Variants in VIPR2 observed in about 807,000 individuals in gnomAD.
The protein encoded by VIPR2 is vasoactive intestinal peptide receptor 2.
VIPR2 carries 48 observed loss-of-function variants against 58.0 expected under a neutral mutation model. That is an observed-to-expected ratio of 0.83 (90% confidence interval 0.66 to 1.05). The LOEUF is 1.05. Among genes scored for constraint, VIPR2 ranks in the 50% least tolerant of loss-of-function variants. VIPR2 has a pLI of 0.00. For missense variants in VIPR2, 534 were observed against 558.0 expected (o/e 0.96, Z 0.43); for synonymous variants, 243 against 235.2 (o/e 1.03, Z -0.30).
rs577246274 is a variant in VIPR2, at chr7:159,084,426, C to T, written c.357+19331G>A. ...TGAGGCAGGAGACAGGATGTGGGGG[C>T]CCCTGGCGCAGCATTTCATGCCGAG... On this transcript the variant is annotated intron_variant, in intron 4 of 12. Coordinates refer to ENST00000262178, the MANE Select transcript of VIPR2 (RefSeq NM_003382.5). Among the ~76,000 whole-genome samples, 387 of 152,332 alleles carry T rather than the reference C, an allele frequency of 2.5e-3. 5 individuals carry two copies. The highest frequency in any genetic ancestry group is 3.4e-3 in the Middle Eastern group (1 of 294).
chr7:159,030,937 T>C (rs939652184), intron 12 of VIPR2, 148 bp from the exon 13 acceptor site: 60 of 1,138,774 alleles, frequency 5.3e-5, no homozygotes, highest in Non-Finnish European at 6.7e-5. Context: ...AGAAACGGCC[T>C]TGGGGGCAGA....
intron 4 of VIPR2, among the ~76,000 whole-genome samples, chr7:159,082,924 A>G (rs543891839): frequency 6.6e-6 from 1 of 152,244 alleles, no homozygotes; most frequent in Non-Finnish European, 1.5e-5. Context: ...CAATGATTAG[A>G]TCCTTCCTAA....
intron 2 of VIPR2, among the ~76,000 whole-genome samples, chr7:159,125,903 T>C (rs1796633651): frequency 6.6e-6 from 1 of 152,170 alleles, no homozygotes; most frequent in African/African-American, 2.4e-5. Flanking sequence ...CCAGCGTCCC[T>C]GCCTACCCCT....
intron 1 of VIPR2, among the ~76,000 whole-genome samples, chr7:159,144,095 A>G (rs1797588707): frequency 1.3e-5 from 2 of 152,302 alleles, no homozygotes; most frequent in South Asian, 2.1e-4. Flanking sequence ...AGCAAGAAAC[A>G]AGGCTCGGGT....
intron 4 of VIPR2, among the ~76,000 whole-genome samples, chr7:159,063,878 G>GTTCTGGGGGTCCTGGTGGA: frequency 1.8e-5 from 1 of 54,820 alleles, no homozygotes; most frequent in Non-Finnish European, 3.8e-5. Context: ...GTCCTGGTGG[G>GTTCTGGGGGTCCTGGTGGA]GTCTGGGGGT....
chr7:159,086,703 G>T (rs974061360), intron 4 of VIPR2, among the ~76,000 whole-genome samples: 5 of 152,222 alleles, frequency 3.3e-5, no homozygotes, highest in African/African-American at 1.2e-4. Context: ...TGGTCCTGCT[G>T]GGTCTGAGTT....
intron 4 of VIPR2, among the ~76,000 whole-genome samples, chr7:159,077,955 T>C (rs1181309837): frequency 6.6e-6 from 1 of 152,230 alleles, no homozygotes; most frequent in Non-Finnish European, 1.5e-5. Context: ...TCTTCTGACC[T>C]GGAATCACAA....
At position 159,095,426 on chromosome 7, in the gene VIPR2, A is replaced by T. The variant is rs544181923; in HGVS notation, c.357+8331T>A. On this transcript the variant is annotated intron_variant, in intron 4 of 12. Coordinates refer to ENST00000262178, the MANE Select transcript of VIPR2 (RefSeq NM_003382.5). This position sits in a 1 kb window ranked among gnomAD's most constrained non-coding sequence, Gnocchi z 5.2. The stretch of plus-strand genomic sequence containing the variant: ...GGCCCTGTTCTTGCAACTAACTTCA[A>T]AACAGCTGCTAAGAAAGATACAGCA... 1.3e-5 allele frequency among the ~76,000 whole-genome samples: 2 copies of T among 152,142 alleles called. No individual in the cohort carries two copies. The highest frequency in any genetic ancestry group is 2.9e-5 in the Non-Finnish European group (2 of 68,012).
chr7:159,036,179 T>C (rs1853942013), intron 7 of VIPR2, among the ~76,000 whole-genome samples, 167 bp from the exon 8 acceptor site: 1 of 152,224 alleles, frequency 6.6e-6, no homozygotes, highest in Non-Finnish European at 1.5e-5. Flanking sequence ...GCTCATGCCT[T>C]AGTAAGCAGT....
chr7:159,125,616 C>CA (rs958399205), intron 2 of VIPR2, among the ~76,000 whole-genome samples: 3 of 152,216 alleles, frequency 2.0e-5, no homozygotes, highest in Non-Finnish European at 4.4e-5. Flanking sequence ...TTTCTACCCC[C>CA]AGCCCTAGTT....
At chr7:159,084,973 C>T (rs537828407) in intron 4 of VIPR2, among the ~76,000 whole-genome samples, 8 of 152,304 alleles carry the variant, frequency 5.3e-5, no homozygotes, top group South Asian at 4.1e-4. Flanking sequence ...CTTCTAAAAA[C>T]GGAGGTGCTG....
chr7:159,088,137 GT>G (rs568153591), intron 4 of VIPR2, among the ~76,000 whole-genome samples: 2 of 152,186 alleles, frequency 1.3e-5, no homozygotes, highest in Admixed American at 6.5e-5. Context: ...GTCAAGAATG[GT>G]TCTTCCTCTA....
At chr7:159,092,603 G>GGCAAT (rs1183139112) in intron 4 of VIPR2, among the ~76,000 whole-genome samples, 1 of 151,774 alleles carries the variant, frequency 6.6e-6, no homozygotes, top group African/African-American at 2.4e-5. Flanking sequence ...TCCTTCCATG[G>GGCAAT]GCAATTTCGG....
chr7:159,094,629 C>T (rs187074325), intron 4 of VIPR2, among the ~76,000 whole-genome samples: 345 of 152,324 alleles, frequency 2.3e-3, no homozygotes, highest in African/African-American at 7.9e-3. Context: ...AGCTTCTTTG[C>T]AGGGTGGCAT....
At chr7:159,045,014 G>A (rs528291759) in intron 5 of VIPR2, among the ~76,000 whole-genome samples, 6 of 152,102 alleles carry the variant, frequency 3.9e-5, no homozygotes, top group African/African-American at 7.2e-5. Flanking sequence ...TATGTGATCC[G>A]CCTGCCTTGG....
At chr7:159,103,646 A>G in intron 4 of VIPR2, 111 bp downstream of exon 4, 1 of 827,518 alleles carries the variant, frequency 1.2e-6, no homozygotes, top group Non-Finnish European at 2.0e-6. Context: ...ATTGGTACTC[A>G]GAGGATTATT....
At chr7:159,138,121 C>T (rs541010229) in intron 2 of VIPR2, among the ~76,000 whole-genome samples, 3 of 152,346 alleles carry the variant, frequency 2.0e-5, no homozygotes, top group South Asian at 2.1e-4. Context: ...CAGCAGAGGG[C>T]AGCATCGCAG....
chr7:159,086,656 C>T (rs184377728), intron 4 of VIPR2, among the ~76,000 whole-genome samples: 19 of 152,332 alleles, frequency 1.2e-4, no homozygotes, highest in East Asian at 9.7e-4. Context: ...GTGACAGCTG[C>T]GCTGATTCTC....
At position 159,032,084 on chromosome 7, in the gene VIPR2, G is replaced by T. The variant is rs779008766; in HGVS notation, c.972-17C>A. On this transcript the variant is annotated splice_polypyrimidine_tract_variant and intron_variant, in intron 10 of 12. Transcript: ENST00000262178. ...GCCAGCCTCCTGCACAGAAGGAGAT[G>T]AGCCAGCTCAGCTGCTGGACCCTCG... The T allele has an allele frequency of 6.2e-6, 10 of 1,613,572 alleles. No homozygotes were observed. Among genetic ancestry groups the T allele is most frequent in the African/African-American group, 1.3e-5 (1 of 74,940 alleles).
Sources: gnomAD v4.1 joint callset for allele counts (sites outside exome capture counted in the v4.1 genomes callset) on GRCh38, gnomAD v4.1.1 for gene constraint, Gnocchi (gnomAD v3.1) non-coding constraint, MANE v1.5 for transcripts, NCBI Gene and HGNC (gene_info 2026-07-23, HGNC 2026-07-21) for gene names.